Variants in WRAP53 observed in about 807,000 individuals in gnomAD.
WRAP53 encodes the protein telomerase Cajal body protein 1.
In WRAP53, 28 loss-of-function variants were observed where a neutral mutation model predicts 56.6. That is an observed-to-expected ratio of 0.50 (90% CI 0.37 to 0.68). The LOEUF is 0.68. Among genes scored for constraint, WRAP53 ranks in the 30% least tolerant of loss-of-function variants. WRAP53 has a pLI of 0.00. For synonymous variants in WRAP53, 283 were observed against 283.4 expected, an observed-to-expected ratio of 1.00 and a Z score of 0.01; for missense variants, 671 against 715.5, an observed-to-expected ratio of 0.94 and a Z score of 0.71.
In WRAP53 at chr17:7,701,389, G is replaced by A. The variant is rs1382483573; in HGVS notation, c.732-70G>A. 6.5e-7 allele frequency: 1 copy of A among 1,548,458 alleles called. No homozygotes were observed. The stretch of plus-strand genomic sequence containing the variant: ...CAAAGTGCTGGGATTACAGGCATGA[G>A]CCACTGTGCCCGGCCATTCCTCCCC... On this transcript the variant is annotated intron_variant, in intron 5 of 10. Coordinates refer to ENST00000396463, the MANE Select transcript of WRAP53 (RefSeq NM_001143992.2). The surrounding 1 kb of genome is among the most constrained non-coding windows in gnomAD (Gnocchi z 4.2).
chr17:7,687,129 A>T (rs1176469853), upstream of WRAP53: 3 of 395,238 alleles, frequency 7.6e-6, no homozygotes, highest in Admixed American at 1.3e-4. Flanking sequence ...CCAAAGCTCC[A>T]CTCCTCTGCC....
Position 7,702,353 on chromosome 17 carries a change from A to G in WRAP53, c.965A>G (p.Gln322Arg), listed in dbSNP as rs1365155393. The G allele has an allele frequency of 1.2e-5, 20 of 1,614,106 alleles. No individual in the cohort carries two copies. The highest frequency in any genetic ancestry group is 1.7e-5 in the Non-Finnish European group (20 of 1,180,014). The part of the protein sequence containing the change: ...CEVRATFAKK[Q>R]GQSGIISCIA... ...TTCCTTCCCTCTCTAGCAAAAAAGCAGGGCCAGAGCGGCATCATCTCCTGC... is the reference window on the plus strand; with the variant it reads ...TTCCTTCCCTCTCTAGCAAAAAAGCGGGGCCAGAGCGGCATCATCTCCTGC... The change falls in exon 8 of 11, where the codon CAG (glutamine) becomes CGG (arginine). Residue 322 changes from glutamine to arginine, a missense_variant. Gln to Arg is a conservative substitution (Grantham distance 43). This residue lies in a region of WRAP53 where 406 missense variants were observed against 418.5 expected (regional missense o/e 0.97). Transcript: ENST00000396463. The surrounding 1 kb of genome is among the most constrained non-coding windows in gnomAD (Gnocchi z 5.0).
Position 7,695,452 on chromosome 17 carries a change from G to A in WRAP53, c.643-5289G>A, listed in dbSNP as rs576008499. Among the ~76,000 whole-genome samples, 157 of 152,122 alleles carry A rather than the reference G, an allele frequency of 1.0e-3. 1 individual carries two copies. The highest frequency in any genetic ancestry group is 3.7e-3 in the African/African-American group (152 of 41,484). ...CTTTCCTGAGTACTTGCCCTGCCCCGTGGGTCTTGCAGGAAGCCTTTACTC... is the reference window on the plus strand; with the variant it reads ...CTTTCCTGAGTACTTGCCCTGCCCCATGGGTCTTGCAGGAAGCCTTTACTC... On this transcript the variant is annotated intron_variant, in intron 4 of 10. Coordinates refer to ENST00000396463, the MANE Select transcript of WRAP53 (RefSeq NM_001143992.2).
In WRAP53 at chr17:7,703,233, T is replaced by C; in HGVS notation, c.1404-10T>C. ...AAGGCACTGATAGACCCTCCCCATC[T>C]CTCCCTCAGCCTGCACCCTAGCCTG... On this transcript the variant is annotated splice_polypyrimidine_tract_variant and intron_variant, in intron 10 of 10. Transcript: ENST00000396463. The C allele has an allele frequency of 6.2e-7, 1 of 1,613,238 alleles. No individual in the cohort carries two copies. Among genetic ancestry groups the C allele is most frequent in the Non-Finnish European group, 8.5e-7 (1 of 1,180,000 alleles).
At chr17:7,692,620 C>CAAAA (rs1178226250) in intron 4 of WRAP53, among the ~76,000 whole-genome samples, 1 of 59,036 alleles carries the variant, frequency 1.7e-5, no homozygotes, top group Non-Finnish European at 3.2e-5. Context: ...GACTCCGTCT[C>CAAAA]AAAAAAAAAA....
rs761113077 is a variant in WRAP53, at chr17:7,689,336, C to G, written c.530+14C>G. The G allele has an allele frequency of 6.2e-7, 1 of 1,612,974 alleles. No individual in the cohort carries two copies. Among genetic ancestry groups the G allele is most frequent in the East Asian group, 2.2e-5 (1 of 44,886 alleles). ...AGGCTGTAAGTGGTAAGGATAACAA[C>G]GGGGCAGGGAGCTGACCACCCCCGA... is the stretch of plus-strand genomic sequence containing the variant. On this transcript the variant is annotated intron_variant, in intron 3 of 10. Transcript: ENST00000396463.
intron 4 of WRAP53, among the ~76,000 whole-genome samples, chr17:7,697,362 G>A (rs536870788): frequency 5.4e-5 from 8 of 147,832 alleles, no homozygotes; most frequent in African/African-American, 1.5e-4. Flanking sequence ...GAGAAGAAAA[G>A]AAAAAGACAA....
In WRAP53 at chr17:7,702,235, ATGT is replaced by A. The variant is rs1270395403; in HGVS notation, c.956-106_956-104del. On this transcript the variant is annotated intron_variant, in intron 7 of 10. Transcript: ENST00000396463. The surrounding 1 kb of genome is among the most constrained non-coding windows in gnomAD (Gnocchi z 5.0). ...GCTTGTGACAGACAGCATGGGGGGG[ATGT>A]TGAGTCCAAGCATGTTGGTGCTGGG... 2 of 1,142,682 alleles carry A rather than the reference ATGT, an allele frequency of 1.8e-6. No homozygotes were observed. Among genetic ancestry groups the A allele is most frequent in the African/African-American group, 1.5e-5 (1 of 65,270 alleles). 70.8% of individuals were successfully genotyped at this position (1,142,682 alleles called of 1,614,324 possible). A position where few individuals can be genotyped will look rare whatever the true frequency, so the allele number is the denominator to read the frequency against.
intron 4 of WRAP53, among the ~76,000 whole-genome samples, chr17:7,699,500 A>ATATATATATATATATT (rs1359392928): frequency 3.4e-5 from 1 of 29,532 alleles, no homozygotes; most frequent in Non-Finnish European, 5.4e-5. Context: ...ATATATATAT[A>ATATATATATATATATT]TTTATATATA....
At chr17:7,699,099 G>A (rs368487340) in intron 4 of WRAP53, among the ~76,000 whole-genome samples, 2 of 148,986 alleles carry the variant, frequency 1.3e-5, no homozygotes, top group South Asian at 2.1e-4. Context: ...GCAAGACAAC[G>A]TTAGATACTG....
Position 7,700,723 on chromosome 17 carries a change from TC to T in WRAP53, c.643-13del, listed in dbSNP as rs1417799066. 1 of 1,594,484 alleles carries T rather than the reference TC, an allele frequency of 6.3e-7. No homozygotes were observed. Among genetic ancestry groups the T allele is most frequent in the East Asian group, 2.2e-5 (1 of 44,676 alleles). The stretch of plus-strand genomic sequence containing the variant: ...TTTTCCCTCCGAGTGACTCAGCCAT[TC>T]CCCCGTCTCTGTATAGGTCCCTGTC... On this transcript the variant is annotated splice_polypyrimidine_tract_variant and intron_variant, in intron 4 of 10. Coordinates refer to ENST00000396463, the MANE Select transcript of WRAP53 (RefSeq NM_001143992.2).
At chr17:7,692,135 C>T (rs1230135307) in intron 4 of WRAP53, among the ~76,000 whole-genome samples, 4 of 151,784 alleles carry the variant, frequency 2.6e-5, no homozygotes, top group East Asian at 2.0e-4. Flanking sequence ...CCACTGCGCC[C>T]GGCCAAGAGA....
chr17:7,686,686 G>A (rs957712775), upstream of WRAP53: 1 of 152,302 alleles, frequency 6.6e-6, no homozygotes, highest in African/African-American at 2.4e-5. Context: ...AGGCAGAAAT[G>A]TAAATGTGGA....
Position 7,688,484 on chromosome 17 carries a change from T to C in WRAP53, c.-79T>C. 1.4e-6 allele frequency: 1 copy of C among 726,850 alleles called. No homozygotes were observed. The highest frequency in any genetic ancestry group is 2.2e-6 in the Non-Finnish European group (1 of 448,558). The allele number at this position is 726,850 out of a possible 1,614,324, so 45.0% of individuals were successfully genotyped here. On this transcript the variant is annotated 5_prime_UTR_variant, in exon 1 of 11. Coordinates refer to ENST00000396463, the MANE Select transcript of WRAP53 (RefSeq NM_001143992.2). Reference sequence around the variant, plus strand: ...CGCGGTGCTAAGGAACACAGTGCTTTCAAAAGAATTGGCGTCCGCTGTTCG... The same window carrying C: ...CGCGGTGCTAAGGAACACAGTGCTTCCAAAAGAATTGGCGTCCGCTGTTCG...
intron 4 of WRAP53, 103 bp from the exon 5 acceptor site, chr17:7,700,636 CTG>C: frequency 1.3e-6 from 1 of 793,044 alleles, no homozygotes; most frequent in Non-Finnish European, 2.3e-6. Context: ...GAGACAGAGT[CTG>C]TGCTCCATAT....
At position 7,702,218 on chromosome 17, in the gene WRAP53, C is replaced by A; in HGVS notation, c.956-126C>A. On this transcript the variant is annotated intron_variant, in intron 7 of 10. Coordinates refer to ENST00000396463, the MANE Select transcript of WRAP53 (RefSeq NM_001143992.2). The surrounding 1 kb of genome is among the most constrained non-coding windows in gnomAD (Gnocchi z 5.0). ...TCAGAGGTCTTTGTCCTGCTTGTGA[C>A]AGACAGCATGGGGGGGATGTTGAGT... The A allele has an allele frequency of 1.9e-6, 2 of 1,039,292 alleles. No homozygotes were observed. Among genetic ancestry groups the A allele is most frequent in the South Asian group, 1.4e-5 (1 of 73,096 alleles). The allele number at this position is 1,039,292 out of a possible 1,614,324, so 64.4% of individuals were successfully genotyped here.
At chr17:7,700,308 T>C (rs2074257271) in intron 4 of WRAP53, among the ~76,000 whole-genome samples, 1 of 151,974 alleles carries the variant, frequency 6.6e-6, no homozygotes, top group African/African-American at 2.4e-5. Context: ...GTCTCTGGGT[T>C]GAGGTATTAT....
chr17:7,701,415 T>A lies in WRAP53; in HGVS notation c.732-44T>A, dbSNP rs371824084. 5.0e-6 allele frequency: 8 copies of A among 1,608,820 alleles called. No homozygotes were observed. The highest frequency in any genetic ancestry group is 6.8e-6 in the Non-Finnish European group (8 of 1,175,302). On this transcript the variant is annotated intron_variant, in intron 5 of 10. Coordinates refer to ENST00000396463, the MANE Select transcript of WRAP53 (RefSeq NM_001143992.2). The surrounding 1 kb of genome is among the most constrained non-coding windows in gnomAD (Gnocchi z 4.2). ...CCACTGTGCCCGGCCATTCCTCCCC[T>A]TCCTTTGACAGCACCGGGGTTTCAG...
At position 7,702,737 on chromosome 17, in the gene WRAP53, C is replaced by G; in HGVS notation, c.1165-6C>G. 1 of 1,613,266 alleles carries G rather than the reference C, an allele frequency of 6.2e-7. No individual in the cohort carries two copies. Among genetic ancestry groups the G allele is most frequent in the Non-Finnish European group, 8.5e-7 (1 of 1,179,950 alleles). ...GGTGACTCCAGGTCCTGTTCCTTGT[C>G]TCCAGGATGCTGAGCTCCTGTGCTG... On this transcript the variant is annotated splice_polypyrimidine_tract_variant and splice_region_variant and intron_variant, in intron 8 of 10. Transcript: ENST00000396463. The surrounding 1 kb of genome is among the most constrained non-coding windows in gnomAD (Gnocchi z 5.0).
Sources: allele counts gnomAD v4.1 joint callset (sites outside exome capture counted in the v4.1 genomes callset), GRCh38; gene constraint gnomAD v4.1.1; regional missense constraint gnomAD v4.1.1; non-coding constraint Gnocchi (gnomAD v3.1); transcripts MANE v1.5; gene names NCBI Gene and HGNC (gene_info 2026-07-23, HGNC 2026-07-21).